Variants in MAST4 observed in about 807,000 individuals in gnomAD.
MAST4 encodes the protein microtubule associated serine/threonine kinase family member 4, also known as microtubule-associated serine/threonine-protein kinase 4.
A neutral mutation model predicts 162.7 loss-of-function variants in MAST4; 89 were observed. The ratio of observed to expected loss-of-function variants is 0.55; its 90% confidence interval spans 0.46 to 0.65. MAST4 has a LOEUF of 0.65. MAST4 is among the 30% of genes least tolerant of loss of function. The probability of loss-of-function intolerance (pLI) is 0.00; values close to 1 mark genes in which losing one functional copy is unlikely to be tolerated. For missense variants in MAST4, 3,153 were observed against 3,374.0 expected (o/e 0.93, Z 1.62); for synonymous variants, 1,479 against 1,361.1 (o/e 1.09, Z -1.91).
intron 4 of MAST4, among the ~76,000 whole-genome samples, chr5:66,906,907 A>G (rs968326459): frequency 7.9e-5 from 12 of 152,140 alleles, no homozygotes; most frequent in Non-Finnish European, 1.5e-4. Flanking sequence ...GAGGGAGAAA[A>G]TATTGTCAAA....
intron 4 of MAST4, among the ~76,000 whole-genome samples, chr5:66,967,997 G>A (rs150918772): frequency 2.9e-3 from 434 of 152,188 alleles, no homozygotes; most frequent in African/African-American, 9.1e-3. Context: ...GATGTGACTC[G>A]TGCCAGCTCC....
At chr5:66,834,648 C>A (rs915246264) in intron 3 of MAST4, among the ~76,000 whole-genome samples, 15 of 152,182 alleles carry the variant, frequency 9.9e-5, no homozygotes, top group African/African-American at 2.9e-4. Context: ...TGGCCTACAT[C>A]ACTGGGGCCT....
At position 67,060,533 on chromosome 5, in the gene MAST4, A is replaced by G. The variant is rs374147162; in HGVS notation, c.763+6041A>G. Among the ~76,000 whole-genome samples, 237 of 141,620 alleles carry G rather than the reference A, an allele frequency of 1.7e-3. 1 individual carries two copies. Among genetic ancestry groups the G allele is most frequent in the African/African-American group, 6.2e-3 (232 of 37,440 alleles). 92.9% of individuals were successfully genotyped at this position (141,620 alleles called of 152,430 possible). A position where few individuals can be genotyped will look rare whatever the true frequency, so the allele number is the denominator to read the frequency against. Reference sequence around the variant, plus strand: ...TGCTCTGTCGCCCAGGCTGGAGTGCAGTGGAGCGATCTCCGCTCACTCTAA... The same window carrying G: ...TGCTCTGTCGCCCAGGCTGGAGTGCGGTGGAGCGATCTCCGCTCACTCTAA... On this transcript the variant is annotated intron_variant, in intron 5 of 28. Transcript: ENST00000403625.
intron 21 of MAST4, among the ~76,000 whole-genome samples, 167 bp from the exon 22 acceptor site, chr5:67,144,502 C>A (rs1273995984): frequency 2.6e-5 from 4 of 151,664 alleles, no homozygotes; most frequent in Non-Finnish European, 5.9e-5. Context: ...TCACCCTGAC[C>A]CTTCCTCTCT....
chr5:67,064,757 C>G (rs1760030770), intron 5 of MAST4, among the ~76,000 whole-genome samples: 1 of 152,166 alleles, frequency 6.6e-6, no homozygotes, highest in African/African-American at 2.4e-5. Context: ...GCAAGGAAAT[C>G]TAAAACTTTC....
intron 3 of MAST4, among the ~76,000 whole-genome samples, chr5:66,819,501 A>G (rs1462095940): frequency 6.6e-6 from 1 of 152,188 alleles, no homozygotes; most frequent in African/African-American, 2.4e-5. Context: ...CAGGCGCTTC[A>G]GATCTGTGTT....
At chr5:66,727,967 T>A (rs1751623549) in intron 1 of MAST4, among the ~76,000 whole-genome samples, 1 of 152,102 alleles carries the variant, frequency 6.6e-6, no homozygotes, top group Non-Finnish European at 1.5e-5. Context: ...CTGGGTTGGG[T>A]TCATGTTGAA....
At chr5:67,133,420 A>C (rs1769237877) in intron 16 of MAST4, 94 bp from the exon 17 acceptor site, 4 of 1,375,444 alleles carry the variant, frequency 2.9e-6, no homozygotes, top group East Asian at 2.3e-5. Context: ...CATATATTAA[A>C]TAGTCTTAGA....
chr5:67,153,572 C>A lies in MAST4; in HGVS notation c.3640C>A (p.Leu1214Ile). ...GLVHTEVIEL[L>I]LKSGNKVSIT... ...TGTCCACACAGAAGTTATAGAACTC[C>A]TACTGAAGGTATTGTATGTTTTATG... Residue 1214 changes from leucine to isoleucine, a missense_variant, in exon 26 of 29, where the codon CTA becomes ATA. Coordinates refer to ENST00000403625, the MANE Select transcript of MAST4 (RefSeq NM_001164664.2). 6.3e-7 allele frequency: 1 copy of A among 1,582,450 alleles called. No homozygotes were observed. Among genetic ancestry groups the A allele is most frequent in the East Asian group, 2.3e-5 (1 of 43,652 alleles).
chr5:66,967,658 T>C (rs1746906102), intron 4 of MAST4, among the ~76,000 whole-genome samples: 1 of 149,760 alleles, frequency 6.7e-6, no homozygotes, highest in South Asian at 2.1e-4. Flanking sequence ...TCAAAAGCCC[T>C]TCCATCTTGA....
chr5:66,868,431 A>G (rs747857209), intron 3 of MAST4, among the ~76,000 whole-genome samples: 1 of 150,764 alleles, frequency 6.6e-6, no homozygotes, highest in Non-Finnish European at 1.5e-5. Context: ...ATATATATGT[A>G]TATACATATA....
At chr5:66,788,607 C>CCAAGCCAAAAAAAAAAAAA in intron 2 of MAST4, 63 bp from the exon 3 acceptor site, 1 of 1,373,728 alleles carries the variant, frequency 7.3e-7, no homozygotes, top group Non-Finnish European at 1.0e-6. Flanking sequence ...CCCCCACCCC[C>CCAAGCCAAAAAAAAAAAAA]ATTGCAATAA....
At chr5:66,958,984 A>C in intron 4 of MAST4, 1 of 419,712 alleles carries the variant, frequency 2.4e-6, no homozygotes, top group Non-Finnish European at 4.3e-6. Flanking sequence ...ATCAGAAACC[A>C]ATTACTTGAT....
chr5:67,132,473 C>A (rs549003676), intron 16 of MAST4, among the ~76,000 whole-genome samples: 1 of 151,808 alleles, frequency 6.6e-6, no homozygotes, highest in Admixed American at 6.6e-5. Flanking sequence ...TAGTTGTTTT[C>A]TGGGTAGTTT....
intron 4 of MAST4, chr5:67,001,461 AT>A (rs1274765472): frequency 1.3e-5 from 2 of 152,010 alleles, no homozygotes; most frequent in Non-Finnish European, 1.5e-5. Context: ...AAAAAAAAAA[AT>A]AAATTTAAAG....
intron 16 of MAST4, among the ~76,000 whole-genome samples, chr5:67,133,036 G>A (rs1026812869): frequency 1.8e-4 from 28 of 152,024 alleles, no homozygotes; most frequent in Non-Finnish European, 1.5e-4. Flanking sequence ...AGAAATATAG[G>A]TTTTGTGCTT....
chr5:66,919,743 T>G, intron 4 of MAST4, among the ~76,000 whole-genome samples: 1 of 152,212 alleles, frequency 6.6e-6, no homozygotes, highest in Non-Finnish European at 1.5e-5. Context: ...AGGCACTTTA[T>G]TTACCCTGAT....
chr5:66,832,691 A>G (rs999004237), intron 3 of MAST4, among the ~76,000 whole-genome samples: 7 of 152,210 alleles, frequency 4.6e-5, no homozygotes, highest in Non-Finnish European at 8.8e-5. Context: ...ACTTTACCTG[A>G]AATTCAATAG....
rs180978682 is a variant in MAST4 at position 66,696,932 on chromosome 5, A to G, written c.364-62777A>G. 2.1e-3 allele frequency among the ~76,000 whole-genome samples: 315 copies of G among 152,308 alleles called. 1 individual carries two copies. Among genetic ancestry groups the G allele is most frequent in the African/African-American group, 7.2e-3 (300 of 41,578 alleles). ...AGCAGTAAAAAAAATTCTTAATTTTATTGTATCTTAACCCTTGAGAGTACT... is the reference window on the plus strand; with the variant it reads ...AGCAGTAAAAAAAATTCTTAATTTTGTTGTATCTTAACCCTTGAGAGTACT... On this transcript the variant is annotated intron_variant, in intron 1 of 28. Transcript: ENST00000403625.
Sources: allele counts gnomAD v4.1 joint callset (sites outside exome capture counted in the v4.1 genomes callset), GRCh38; gene constraint gnomAD v4.1.1; transcripts MANE v1.5; gene names NCBI Gene and HGNC (gene_info 2026-07-23, HGNC 2026-07-21).